The following CNTNAP3B variants were observed in gnomAD, a reference collection of about 807,000 sequenced individuals.
CNTNAP3B encodes the protein contactin-associated protein-like 3B.
In CNTNAP3B, 25 loss-of-function variants were observed where a neutral mutation model predicts 108.9. That is an observed-to-expected ratio of 0.23 (90% CI 0.17 to 0.32). CNTNAP3B has a LOEUF of 0.32. Ranked by LOEUF, CNTNAP3B falls within the 10% of genes least tolerant of loss-of-function variation. CNTNAP3B has a pLI of 1.00. For synonymous variants in CNTNAP3B, 103 were observed against 473.4 expected, an observed-to-expected ratio of 0.22 and a Z score of 10.16; for missense variants, 252 against 1,210.4, an observed-to-expected ratio of 0.21 and a Z score of 11.75.
At position 42,080,777 on chromosome 9, in the gene CNTNAP3B, G is replaced by T. The variant is rs562694746; in HGVS notation, c.197-3715C>A. 5.4e-3 allele frequency among the ~76,000 whole-genome samples: 549 copies of T among 102,360 alleles called. 82 individuals carry two copies. The highest frequency in any genetic ancestry group is 0.021 in the African/African-American group (533 of 25,152). 67.2% of individuals were successfully genotyped at this position (102,360 alleles called of 152,430 possible). The stretch of plus-strand genomic sequence containing the variant: ...GGGATAACTGAAACTACAGCACTTT[G>T]TAACTAAATTATTATTCAAATGTGA... On this transcript the variant is annotated intron_variant, in intron 2 of 23. Coordinates refer to ENST00000377561, the MANE Select transcript of CNTNAP3B (RefSeq NM_001201380.3).
intron 13 of CNTNAP3B, among the ~76,000 whole-genome samples, chr9:41,948,506 C>T (rs1421295556): frequency 6.9e-6 from 1 of 145,600 alleles, no homozygotes; most frequent in Non-Finnish European, 1.5e-5. Context: ...CAGTATTGTC[C>T]TGATACTGAA....
At chr9:41,968,388 C>T (rs550332335) in intron 10 of CNTNAP3B, among the ~76,000 whole-genome samples, 2 of 140,106 alleles carry the variant, frequency 1.4e-5, no homozygotes, top group Non-Finnish European at 3.1e-5. Flanking sequence ...GAAACCTTCC[C>T]AACTACCCTT....
chr9:41,937,781 AAC>A (rs1477706195), intron 14 of CNTNAP3B, among the ~76,000 whole-genome samples: 13 of 152,078 alleles, frequency 8.5e-5, no homozygotes, highest in Non-Finnish European at 7.3e-5. Flanking sequence ...CTAAAAAATA[AAC>A]ACAGTCCTTT....
chr9:41,968,028 A>T (rs1825332327), intron 10 of CNTNAP3B, among the ~76,000 whole-genome samples: 2 of 152,378 alleles, frequency 1.3e-5, no homozygotes, highest in South Asian at 4.1e-4. Flanking sequence ...AACTCTTGGG[A>T]CTTTAAGGTT....
At chr9:41,922,390 C>T (rs1157875753) in intron 17 of CNTNAP3B, among the ~76,000 whole-genome samples, 20 of 139,726 alleles carry the variant, frequency 1.4e-4, no homozygotes, top group Admixed American at 2.1e-4. Context: ...CGCTTGAACC[C>T]GGCAGGTGGA....
Position 42,056,217 on chromosome 9 carries a change from C to T in CNTNAP3B, c.390+20652G>A, listed in dbSNP as rs1030698721. On this transcript the variant is annotated intron_variant, in intron 3 of 23. Coordinates refer to ENST00000377561, the MANE Select transcript of CNTNAP3B (RefSeq NM_001201380.3). ...GTTGAAAGTAATGTCCTAAGCAACA[C>T]AGCCTCAGTAAATGTTTTAGTTGTT... 5.0e-4 allele frequency among the ~76,000 whole-genome samples: 67 copies of T among 135,112 alleles called. 4 individuals are homozygous for T. The highest frequency in any genetic ancestry group is 9.0e-4 in the Non-Finnish European group (57 of 63,494). The allele number at this position is 135,112 out of a possible 152,430, so 88.6% of individuals were successfully genotyped here.
chr9:42,119,963 A>T (rs1221194547), intron 1 of CNTNAP3B, among the ~76,000 whole-genome samples: 4 of 141,976 alleles, frequency 2.8e-5, no homozygotes, highest in African/African-American at 8.3e-5. Context: ...ACAAAAGCCA[A>T]AATTGACAAA....
At position 42,077,013 on chromosome 9, in the gene CNTNAP3B, T is replaced by C. The variant is rs1587252747; in HGVS notation, c.246A>G (p.Gln82=). Residue 82 remains glutamine (Q), a synonymous_variant, in exon 3 of 24, where the codon CAA becomes CAG. Transcript: ENST00000377561. ...CCTCCATTCTCTCTCCAAGGTCAAT[T>C]TGCAGCCATTGGTATTTATTTGACA... ...PLVSNKYQWL[Q]IDLGERMEVT... 7.2e-6 allele frequency: 11 copies of C among 1,529,892 alleles called. 3 individuals carry two copies. In the Admixed American group the frequency reaches 1.5e-4, roughly 20 times the overall value. 94.8% of individuals were successfully genotyped at this position (1,529,892 alleles called of 1,614,324 possible).
chr9:42,122,318 GAA>G (rs1282742948), intron 1 of CNTNAP3B, among the ~76,000 whole-genome samples: 6 of 139,182 alleles, frequency 4.3e-5, no homozygotes, highest in African/African-American at 1.4e-4. Context: ...GGACAAGAAT[GAA>G]AAGAGATAAA....
intron 11 of CNTNAP3B, among the ~76,000 whole-genome samples, chr9:41,963,950 A>C (rs1282215322): frequency 2.0e-5 from 3 of 151,948 alleles, no homozygotes; most frequent in African/African-American, 4.8e-5. Flanking sequence ...TACTTTTACA[A>C]TTATTCACTT....
At chr9:41,932,986 G>T (rs1202228253) in intron 14 of CNTNAP3B, among the ~76,000 whole-genome samples, 2 of 152,294 alleles carry the variant, frequency 1.3e-5, no homozygotes, top group African/African-American at 4.8e-5. Flanking sequence ...TGTCTTGACA[G>T]CTAACAGAAC....
intron 13 of CNTNAP3B, among the ~76,000 whole-genome samples, chr9:41,947,368 G>T (rs1824558144): frequency 6.6e-6 from 1 of 152,162 alleles, no homozygotes; most frequent in Admixed American, 6.5e-5. Context: ...AAGAGAAAAA[G>T]AAAATCTCTA....
rs751188007 is a variant in CNTNAP3B, at chr9:41,953,313, G to A, written c.1950C>T (p.His650=). ...AVTLRGAPSG[H]PLSAVSFAYA... ...ACGCGAAGGACACAGCCGAGAGCGG[G>A]TGCCCGCTGGGGGCACCTCGGAGGG... The change falls in exon 13 of 24, where the codon CAC becomes CAT. Residue 650 remains histidine (H), a synonymous_variant. Transcript: ENST00000377561. The A allele has an allele frequency of 1.9e-6, 3 of 1,540,326 alleles. No homozygotes were observed. Among genetic ancestry groups the A allele is most frequent in the African/African-American group, 2.8e-5 (2 of 72,580 alleles).
intron 3 of CNTNAP3B, among the ~76,000 whole-genome samples, chr9:42,051,783 G>T: frequency 6.6e-6 from 1 of 151,798 alleles, no homozygotes; most frequent in Non-Finnish European, 1.5e-5. Context: ...AATTTACATT[G>T]TGTTCTTGGG....
chr9:42,058,333 A>G (rs1348667857), intron 3 of CNTNAP3B, among the ~76,000 whole-genome samples: 1 of 84,606 alleles, frequency 1.2e-5, no homozygotes, highest in Non-Finnish European at 3.3e-5. Context: ...TGCCACCAAC[A>G]GTATACAGGG....
chr9:41,922,999 A>ATGAC (rs1453468316), intron 16 of CNTNAP3B, 104 bp from the exon 17 acceptor site: 3 of 778,924 alleles, frequency 3.9e-6, no homozygotes, highest in Non-Finnish European at 6.4e-6. Context: ...GAAGGAGATA[A>ATGAC]TGACGGCGAT....
At chr9:41,963,038 T>C (rs1364451771) in intron 11 of CNTNAP3B, among the ~76,000 whole-genome samples, 2 of 152,236 alleles carry the variant, frequency 1.3e-5, no homozygotes, top group Non-Finnish European at 2.9e-5. Context: ...AAAATCATAC[T>C]TCATGCTTCA....
intron 13 of CNTNAP3B, among the ~76,000 whole-genome samples, chr9:41,939,148 T>C (rs1305914275): frequency 3.3e-5 from 5 of 152,268 alleles, no homozygotes; most frequent in East Asian, 3.8e-4. Context: ...GGAGTGAAGA[T>C]TGGGGTGATG....
At chr9:41,951,161 G>T (rs200989480) in intron 13 of CNTNAP3B, among the ~76,000 whole-genome samples, 1 of 142,760 alleles carries the variant, frequency 7.0e-6, no homozygotes, top group African/African-American at 2.6e-5. Flanking sequence ...GTCACCTTGG[G>T]GTGGGGGAAC....
Sources: allele counts gnomAD v4.1 joint callset (sites outside exome capture counted in the v4.1 genomes callset), GRCh38; gene constraint gnomAD v4.1.1; transcripts MANE v1.5; gene names NCBI Gene and HGNC (gene_info 2026-07-23, HGNC 2026-07-21).